The following NFIB variants were observed in gnomAD, a reference collection of about 807,000 sequenced individuals.
The protein encoded by NFIB is nuclear factor I B.
In NFIB, 11 loss-of-function variants were observed where a neutral mutation model predicts 61.5. The ratio of observed to expected loss-of-function variants is 0.18; its 90% CI spans 0.11 to 0.30. The LOEUF is 0.30. NFIB is among the 10% of genes least tolerant of loss of function. The probability of loss-of-function intolerance (pLI) is 1.00; values close to 1 mark genes in which losing one functional copy is unlikely to be tolerated. For missense variants in NFIB, 471 were observed against 608.9 expected (o/e 0.77, Z 2.38); for synonymous variants, 260 against 216.5 (o/e 1.20, Z -1.76).
At chr9:14,442,228 C>A in the NFIB span, among the ~76,000 whole-genome samples, 1 of 151,928 alleles carries the variant, frequency 6.6e-6, no homozygotes, top group Admixed American at 6.6e-5. Context: ...TGTGCTGGGC[C>A]CCATGTGTGA....
the NFIB span, among the ~76,000 whole-genome samples, chr9:14,455,893 A>G: frequency 6.6e-6 from 1 of 152,212 alleles, no homozygotes; most frequent in South Asian, 2.1e-4. Flanking sequence ...GACATTTTGA[A>G]TGGACAGGCA....
chr9:14,315,000 G>T (rs965912978), upstream of NFIB, among the ~76,000 whole-genome samples: 8 of 151,742 alleles, frequency 5.3e-5, no homozygotes, highest in African/African-American at 1.9e-4. Flanking sequence ...CACCCAGGCC[G>T]CCCCCAGGCC....
chr9:14,149,889 G>A (rs1415459967), intron 5 of NFIB, among the ~76,000 whole-genome samples: 5 of 152,012 alleles, frequency 3.3e-5, no homozygotes, highest in Admixed American at 3.3e-4. Flanking sequence ...TCCTACAACA[G>A]GACAAAAGTC....
intron 2 of NFIB, among the ~76,000 whole-genome samples, chr9:14,217,749 A>G (rs2051111273): frequency 6.6e-6 from 1 of 151,546 alleles, no homozygotes; most frequent in African/African-American, 2.4e-5. Context: ...TGCTCCAAAC[A>G]CTCATATTGC....
chr9:14,242,903 A>G (rs1344971963), intron 2 of NFIB, among the ~76,000 whole-genome samples: 2 of 152,248 alleles, frequency 1.3e-5, no homozygotes, highest in East Asian at 3.8e-4. Context: ...TAATGAATAT[A>G]TATGTACTGA....
At chr9:14,154,079 T>G (rs2043135692) in intron 4 of NFIB, among the ~76,000 whole-genome samples, 1 of 152,168 alleles carries the variant, frequency 6.6e-6, no homozygotes, top group Admixed American at 6.6e-5. Context: ...AAATTTACCT[T>G]GGTTTTGAAC....
chr9:14,183,564 C>T (rs1463568685), intron 2 of NFIB, among the ~76,000 whole-genome samples: 2 of 151,984 alleles, frequency 1.3e-5, no homozygotes, highest in Non-Finnish European at 2.9e-5. Flanking sequence ...CCACCACACC[C>T]AGCTAGTTTT....
intron 2 of NFIB, among the ~76,000 whole-genome samples, chr9:14,297,374 T>G (rs1289918435): frequency 6.6e-6 from 1 of 152,228 alleles, no homozygotes; most frequent in Non-Finnish European, 1.5e-5. Context: ...TGGACTAAAA[T>G]GAGATTCAGA....
At chr9:14,224,880 T>C (rs2052171424) in intron 2 of NFIB, among the ~76,000 whole-genome samples, 4 of 152,244 alleles carry the variant, frequency 2.6e-5, no homozygotes, top group East Asian at 1.9e-4. Flanking sequence ...CTCAATTTTA[T>C]AAATTTTTCT....
chr9:14,264,565 C>A (rs2057043798), intron 2 of NFIB, among the ~76,000 whole-genome samples: 1 of 152,146 alleles, frequency 6.6e-6, no homozygotes, highest in African/African-American at 2.4e-5. Context: ...GAATTTTTAT[C>A]TATCTGAGGA....
chr9:14,346,925 TG>T (rs2061030631), intron 1 of NFIB, among the ~76,000 whole-genome samples: 2 of 151,286 alleles, frequency 1.3e-5, no homozygotes, highest in Non-Finnish European at 2.9e-5. Context: ...CGGGTGAGGG[TG>T]GGGTAAGAGG....
chr9:14,525,026 T>G, the NFIB span, among the ~76,000 whole-genome samples: 1 of 152,146 alleles, frequency 6.6e-6, no homozygotes, highest in Non-Finnish European at 1.5e-5. Context: ...CCAAAAAATT[T>G]CCCCCAGATG....
chr9:14,187,242 G>T (rs916933167), intron 2 of NFIB, among the ~76,000 whole-genome samples: 1 of 140,250 alleles, frequency 7.1e-6, no homozygotes, highest in African/African-American at 3.2e-5. Flanking sequence ...GATCTTGTTT[G>T]TTGTTTGTTT....
At chr9:14,366,712 C>T (rs902899361) in intron 1 of NFIB, among the ~76,000 whole-genome samples, 1 of 152,148 alleles carries the variant, frequency 6.6e-6, no homozygotes, top group African/African-American at 2.4e-5. Context: ...TCTCGAACTC[C>T]TGACCTCTTG....
At chr9:14,470,175 G>C in the NFIB span, among the ~76,000 whole-genome samples, 1 of 152,142 alleles carries the variant, frequency 6.6e-6, no homozygotes, top group Admixed American at 6.5e-5. Context: ...TGCAGGTGAG[G>C]AGCTGGGAGC....
At chr9:14,249,127 G>C (rs1398439732) in intron 2 of NFIB, among the ~76,000 whole-genome samples, 3 of 152,148 alleles carry the variant, frequency 2.0e-5, no homozygotes, top group Non-Finnish European at 4.4e-5. Context: ...ACTGAAATAA[G>C]AACTTAGTGA....
chr9:14,098,032 T>A (rs1386740492), intron 10 of NFIB, among the ~76,000 whole-genome samples: 5 of 152,076 alleles, frequency 3.3e-5, no homozygotes, highest in Non-Finnish European at 4.4e-5. Flanking sequence ...AACTACAGAA[T>A]GAAGTATTCA....
chr9:14,403,746 T>C (rs1299384540), upstream of NFIB, among the ~76,000 whole-genome samples: 4 of 152,194 alleles, frequency 2.6e-5, no homozygotes, highest in South Asian at 2.1e-4. Context: ...TTTTAAAATA[T>C]TGTCATGTAA....
intron 1 of NFIB, chr9:14,321,996 G>A: frequency 8.1e-7 from 1 of 1,229,330 alleles, no homozygotes. Flanking sequence ...CAGAACCCTG[G>A]GCCGCTGACT....
Sources: allele counts gnomAD v4.1 joint callset (sites outside exome capture counted in the v4.1 genomes callset), GRCh38; gene constraint gnomAD v4.1.1; transcripts MANE v1.5; gene names NCBI Gene and HGNC (gene_info 2026-07-23, HGNC 2026-07-21).